TRIM67: variants seen among roughly 807,000 people sequenced by gnomAD.
TRIM67 encodes tripartite motif containing 67, also known as tripartite motif-containing protein 67.
In TRIM67, 39 loss-of-function variants were observed where a neutral mutation model predicts 71.0. The observed-to-expected ratio is 0.55, with a 90% CI of 0.43 to 0.72. The LOEUF is 0.72. TRIM67 is among the 30% of genes least tolerant of loss of function. The pLI is 0.00. For missense variants in TRIM67, 973 were observed against 1,079.2 expected, an observed-to-expected ratio of 0.90 and a Z score of 1.38; for synonymous variants, 481 against 473.9, an observed-to-expected ratio of 1.01 and a Z score of -0.19.
chr1:231,187,525 T>C (rs1320434888), intron 1 of TRIM67: 2 of 1,531,978 alleles, frequency 1.3e-6, no homozygotes, highest in South Asian at 1.2e-5. Flanking sequence ...ACCTTAGCAC[T>C]GAGGGGCAGA....
intron 1 of TRIM67, among the ~76,000 whole-genome samples, chr1:231,194,956 T>C (rs1048054761): frequency 2.0e-5 from 3 of 152,118 alleles, no homozygotes; most frequent in Non-Finnish European, 2.9e-5. Flanking sequence ...TCTTGAACTC[T>C]TGGCCTCAAG....
chr1:231,163,597 C>A lies in TRIM67; in HGVS notation c.628C>A (p.Leu210Met), dbSNP rs1306423614. Reference protein sequence around the residue: ...SAAAAVAICQLCDRTPPEPAA... With the variant: ...SAAAAVAICQMCDRTPPEPAA... ...AGCCGCGGCGGTGGCCATCTGCCAGCTGTGCGACCGCACCCCGCCAGAGCC... is the reference window on the plus strand; with the variant it reads ...AGCCGCGGCGGTGGCCATCTGCCAGATGTGCGACCGCACCCCGCCAGAGCC... The change falls in exon 1 of 10, where the codon CTG becomes ATG. Residue 210 changes from leucine (L) to methionine (M), a missense_variant. Leu to Met is a conservative substitution (Grantham distance 15, BLOSUM62 2). This residue lies in a region of TRIM67 where 795 missense variants were observed against 831.3 expected (regional missense o/e 0.96). Coordinates refer to ENST00000366653, the MANE Select transcript of TRIM67 (RefSeq NM_001004342.5). 1 of 1,517,258 alleles carries A rather than the reference C, an allele frequency of 6.6e-7. No individual in the cohort carries two copies. Among genetic ancestry groups the A allele is most frequent in the South Asian group, 1.2e-5 (1 of 81,460 alleles). The allele number at this position is 1,517,258 out of a possible 1,614,324, so 94.0% of individuals were successfully genotyped here.
chr1:231,179,651 G>A (rs1278843793), intron 1 of TRIM67, among the ~76,000 whole-genome samples: 1 of 152,176 alleles, frequency 6.6e-6, no homozygotes, highest in Non-Finnish European at 1.5e-5. Context: ...GGAACACTAG[G>A]CATAAATGGG....
chr1:231,203,496 T>C (rs1185218824), intron 5 of TRIM67, among the ~76,000 whole-genome samples: 1 of 152,188 alleles, frequency 6.6e-6, no homozygotes, highest in African/African-American at 2.4e-5. Flanking sequence ...CTGGACTCTG[T>C]TGGAACTGTT....
At chr1:231,212,772 GAGA>G (rs1683908363) in intron 8 of TRIM67, among the ~76,000 whole-genome samples, 1 of 152,250 alleles carries the variant, frequency 6.6e-6, no homozygotes, top group East Asian at 1.9e-4. Context: ...CGGCCCATGG[GAGA>G]AGATGTGGTC....
rs1684090378 is a variant in TRIM67, at chr1:231,219,482, A to G, written c.*4042A>G. The G allele has an allele frequency of 9.5e-7, 1 of 1,056,750 alleles. No individual in the cohort carries two copies. Among genetic ancestry groups the G allele is most frequent in the African/African-American group, 1.7e-5 (1 of 58,574 alleles). 65.5% of individuals were successfully genotyped at this position (1,056,750 alleles called of 1,614,324 possible). A position where few individuals can be genotyped will look rare whatever the true frequency, so the allele number is the denominator to read the frequency against. ...AGCCTTTATCTTGATACCCAAGCCCAGGATTTTCCATGTGTCTTCAGGGGG... is the reference window on the plus strand; with the variant it reads ...AGCCTTTATCTTGATACCCAAGCCCGGGATTTTCCATGTGTCTTCAGGGGG... On this transcript the variant is annotated 3_prime_UTR_variant, in exon 10 of 10. Coordinates refer to ENST00000366653, the MANE Select transcript of TRIM67 (RefSeq NM_001004342.5).
chr1:231,176,530 A>T (rs552203110), intron 1 of TRIM67, among the ~76,000 whole-genome samples: 27 of 152,210 alleles, frequency 1.8e-4, no homozygotes, highest in Non-Finnish European at 3.7e-4. Context: ...ATTAAAGAAG[A>T]TGTTTAAAAT....
chr1:231,187,616 C>T (rs1558297635), intron 1 of TRIM67: 1 of 1,467,440 alleles, frequency 6.8e-7, no homozygotes, highest in Non-Finnish European at 9.1e-7. Context: ...CTCAGTGAAG[C>T]TTCGATTCCT....
At chr1:231,199,666 G>C (rs557933951) in intron 3 of TRIM67, among the ~76,000 whole-genome samples, 3 of 152,126 alleles carry the variant, frequency 2.0e-5, no homozygotes, top group African/African-American at 7.2e-5. Context: ...AGTTGATGAC[G>C]GGCTGTCACT....
intron 6 of TRIM67, among the ~76,000 whole-genome samples, chr1:231,204,548 G>C (rs1477944840): frequency 6.6e-6 from 1 of 152,108 alleles, no homozygotes; most frequent in Non-Finnish European, 1.5e-5. Flanking sequence ...AGCCAGAAAT[G>C]CATCTTCTAC....
At chr1:231,204,918 A>T (rs1294741399) in intron 6 of TRIM67, among the ~76,000 whole-genome samples, 1 of 152,190 alleles carries the variant, frequency 6.6e-6, no homozygotes, top group Non-Finnish European at 1.5e-5. Flanking sequence ...TAATTGCAGC[A>T]CTTCCGTGGG....
chr1:231,182,419 T>G (rs1341641834), intron 1 of TRIM67, among the ~76,000 whole-genome samples: 3 of 151,440 alleles, frequency 2.0e-5, no homozygotes, highest in Admixed American at 2.0e-4. Flanking sequence ...AAAAAAAAAA[T>G]AGTAAATACA....
intron 1 of TRIM67, among the ~76,000 whole-genome samples, chr1:231,195,971 A>G (rs1683360707): frequency 6.6e-6 from 1 of 152,196 alleles, no homozygotes; most frequent in African/African-American, 2.4e-5. Flanking sequence ...TCATGCATTC[A>G]ACAAATATTT....
At chr1:231,166,279 C>G (rs1682461526) in intron 1 of TRIM67, among the ~76,000 whole-genome samples, 1 of 151,292 alleles carries the variant, frequency 6.6e-6, no homozygotes, top group Non-Finnish European at 1.5e-5. Context: ...TGCTGCTGTT[C>G]TTCTTCAGCA....
At chr1:231,172,895 G>T (rs1489742315) in intron 1 of TRIM67, among the ~76,000 whole-genome samples, 1 of 152,198 alleles carries the variant, frequency 6.6e-6, no homozygotes, top group Non-Finnish European at 1.5e-5. Context: ...TTGCCTTATG[G>T]TTGGCTTTAC....
Position 231,173,968 on chromosome 1 carries a change from G to A in TRIM67, c.1044+9955G>A, listed in dbSNP as rs557313290. On this transcript the variant is annotated intron_variant, in intron 1 of 9. Coordinates refer to ENST00000366653, the MANE Select transcript of TRIM67 (RefSeq NM_001004342.5). ...CTGAGCTTCTTGGACTTTTGGTTTG[G>A]TGTCTTCTATTATTTTTGGAAAATT... Among the ~76,000 whole-genome samples, 13 of 152,094 alleles carry A rather than the reference G, an allele frequency of 8.5e-5. No homozygotes were observed. In the East Asian group the frequency reaches 2.1e-3, roughly 25 times the overall value.
intron 9 of TRIM67, among the ~76,000 whole-genome samples, chr1:231,214,422 A>G (rs1039386097): frequency 1.8e-4 from 27 of 152,122 alleles, no homozygotes; most frequent in Non-Finnish European, 3.2e-4. Context: ...GTCTACATCA[A>G]TCACTGATTG....
At chr1:231,169,411 C>T (rs1357343373) in intron 1 of TRIM67, among the ~76,000 whole-genome samples, 1 of 108,192 alleles carries the variant, frequency 9.2e-6, no homozygotes, top group Non-Finnish European at 1.7e-5. Context: ...CGTTTCTGCT[C>T]TTATAACCCA....
chr1:231,208,175 AT>A (rs533982063), intron 7 of TRIM67, among the ~76,000 whole-genome samples: 10,088 of 138,232 alleles, frequency 0.073, 556 homozygotes, highest in East Asian at 0.16. Flanking sequence ...TGTCCAGCGA[AT>A]TTTTTTTTTT....
Sources: allele counts gnomAD v4.1 joint callset (sites outside exome capture counted in the v4.1 genomes callset), GRCh38; gene constraint gnomAD v4.1.1; regional missense constraint gnomAD v4.1.1; transcripts MANE v1.5; gene names NCBI Gene and HGNC (gene_info 2026-07-23, HGNC 2026-07-21).